The following RGS6 variants were observed in gnomAD, a reference collection of about 807,000 sequenced individuals.
The protein encoded by RGS6 is regulator of G-protein signaling 6.
Under a neutral mutation model 78.5 loss-of-function variants are expected in RGS6, and 30 were observed. That is an observed-to-expected ratio of 0.38 (90% CI 0.29 to 0.52). The LOEUF (loss-of-function observed/expected upper bound fraction) is 0.52. Ranked by LOEUF, RGS6 falls within the 20% of genes least tolerant of loss-of-function variation. The pLI is 0.85. For missense variants in RGS6, 495 were observed against 609.7 expected (o/e 0.81, Z 1.98); for synonymous variants, 206 against 206.0 (o/e 1.00, Z 0.00).
At chr14:72,098,440 C>CA (rs1474313919) in intron 2 of RGS6, among the ~76,000 whole-genome samples, 1 of 152,210 alleles carries the variant, frequency 6.6e-6, no homozygotes, top group Non-Finnish European at 1.5e-5. Flanking sequence ...TTCATGCCAT[C>CA]AGGCAGGGGG....
intron 2 of RGS6, among the ~76,000 whole-genome samples, chr14:72,163,660 G>A (rs900287152): frequency 7.9e-5 from 12 of 152,158 alleles, no homozygotes; most frequent in African/African-American, 1.7e-4. Context: ...TGAGGTGGGC[G>A]GATCACGAGG....
chr14:72,557,288 G>GT (rs995494917), intron 17 of RGS6, among the ~76,000 whole-genome samples: 4 of 152,220 alleles, frequency 2.6e-5, no homozygotes, highest in African/African-American at 9.6e-5. Context: ...CCCTGCCAGC[G>GT]TTTCTCCGAC....
At chr14:71,951,359 G>A (rs991190882) in intron 1 of RGS6, among the ~76,000 whole-genome samples, 1 of 152,018 alleles carries the variant, frequency 6.6e-6, no homozygotes, top group Admixed American at 6.5e-5. Context: ...CAAACAATGA[G>A]AACCTGTAGA....
intron 2 of RGS6, among the ~76,000 whole-genome samples, chr14:72,013,801 G>A (rs2086368351): frequency 3.0e-3 from 1 of 334 alleles, no homozygotes; most frequent in African/African-American, 0.019. Flanking sequence ...TGCAAAGTGG[G>A]CTGGGGCCTT....
At chr14:72,627,019 C>T in the RGS6 span, among the ~76,000 whole-genome samples, 2 of 151,302 alleles carry the variant, frequency 1.3e-5, no homozygotes, top group African/African-American at 4.9e-5. Context: ...GTTTCTGGTC[C>T]TTTGTCCTCA....
chr14:72,482,095 C>G (rs1173034101), intron 12 of RGS6, among the ~76,000 whole-genome samples: 1 of 152,186 alleles, frequency 6.6e-6, no homozygotes, highest in Non-Finnish European at 1.5e-5. Context: ...CAGGCATGAG[C>G]CACCGCTCCC....
rs543558897 is a variant in RGS6, at chr14:72,542,963, C to T, written c.1422+2869C>T. On this transcript the variant is annotated intron_variant, in intron 17 of 17. Transcript: ENST00000553525. ...GTTTGGGTGACGAAGGGGCCTGGTA[C>T]TCCCCAGTCAATAGAGGAAGTGCTG... Among the ~76,000 whole-genome samples, 27 of 152,310 alleles carry T rather than the reference C, an allele frequency of 1.8e-4. No homozygotes were observed. In the South Asian group the frequency reaches 5.4e-3, roughly 30 times the overall value.
intron 2 of RGS6, among the ~76,000 whole-genome samples, chr14:71,984,840 T>C (rs1467122762): frequency 1.3e-5 from 2 of 152,214 alleles, no homozygotes; most frequent in Non-Finnish European, 2.9e-5. Context: ...TTTTTTTCCA[T>C]TCCTCTTCAG....
At chr14:72,059,294 C>T (rs1484250950) in intron 2 of RGS6, among the ~76,000 whole-genome samples, 2 of 152,132 alleles carry the variant, frequency 1.3e-5, no homozygotes, top group Admixed American at 1.3e-4. Context: ...GTTTAGAAGT[C>T]TTGTATGTGT....
chr14:72,061,509 T>C (rs911311654), intron 2 of RGS6, among the ~76,000 whole-genome samples: 4 of 152,196 alleles, frequency 2.6e-5, no homozygotes, highest in Non-Finnish European at 5.9e-5. Context: ...GACAAGCTGA[T>C]TATAGCATAA....
At chr14:72,071,598 G>A (rs1042894492) in intron 2 of RGS6, among the ~76,000 whole-genome samples, 78 of 152,136 alleles carry the variant, frequency 5.1e-4, no homozygotes, top group African/African-American at 1.7e-3. Context: ...CCTATTAGGT[G>A]GGTGGACTTA....
At chr14:72,485,276 C>T (rs555333964) in intron 12 of RGS6, among the ~76,000 whole-genome samples, 19 of 152,314 alleles carry the variant, frequency 1.2e-4, no homozygotes, top group Admixed American at 2.0e-4. Context: ...TCACACCCAG[C>T]GGTTGGAGGA....
intron 2 of RGS6, among the ~76,000 whole-genome samples, chr14:72,195,704 G>C (rs941651001): frequency 5.3e-5 from 8 of 152,226 alleles, no homozygotes; most frequent in African/African-American, 1.9e-4. Context: ...GCGACTTCCT[G>C]AGCAGCAAGT....
intron 3 of RGS6, among the ~76,000 whole-genome samples, chr14:72,450,272 A>AAATTATT (rs1169646910): frequency 3.2e-4 from 48 of 152,260 alleles, no homozygotes; most frequent in South Asian, 2.3e-3. Context: ...TGCATGAATG[A>AAATTATT]GCCATAATTT....
chr14:72,598,891 G>A, the RGS6 span, among the ~76,000 whole-genome samples: 2 of 152,242 alleles, frequency 1.3e-5, no homozygotes, highest in African/African-American at 2.4e-5. Flanking sequence ...TGGGGAGAAG[G>A]AAGAGACCAG....
At chr14:72,055,222 G>A (rs2093557883) in intron 2 of RGS6, among the ~76,000 whole-genome samples, 2 of 152,086 alleles carry the variant, frequency 1.3e-5, no homozygotes, top group Non-Finnish European at 2.9e-5. Flanking sequence ...CGCTTTCAGG[G>A]TCGCTATATC....
At chr14:72,597,309 T>C in the RGS6 span, among the ~76,000 whole-genome samples, 2 of 152,208 alleles carry the variant, frequency 1.3e-5, no homozygotes, top group Non-Finnish European at 2.9e-5. Flanking sequence ...GCATTTGTTT[T>C]TGAATATTAT....
the RGS6 span, among the ~76,000 whole-genome samples, chr14:72,625,144 C>T: frequency 6.6e-6 from 1 of 152,110 alleles, no homozygotes; most frequent in Non-Finnish European, 1.5e-5. Context: ...CTAATTTTAG[C>T]ATCAATTGAC....
chr14:72,580,408 T>A, the RGS6 span, among the ~76,000 whole-genome samples: 1 of 151,454 alleles, frequency 6.6e-6, no homozygotes, highest in East Asian at 2.0e-4. Context: ...GTTCTTGCTC[T>A]GACCTGTAGC....
Sources: allele counts gnomAD v4.1 joint callset (sites outside exome capture counted in the v4.1 genomes callset), GRCh38; gene constraint gnomAD v4.1.1; transcripts MANE v1.5; gene names NCBI Gene and HGNC (gene_info 2026-07-23, HGNC 2026-07-21).